Variants in LMTK2 observed in about 807,000 individuals in gnomAD.
LMTK2 encodes the protein lemur tail kinase 2, also known as serine/threonine-protein kinase LMTK2.
In LMTK2, 37 loss-of-function variants were observed where a neutral mutation model predicts 127.5. The observed-to-expected ratio is 0.29, with a 90% CI of 0.22 to 0.38. The LOEUF is 0.38. Among genes scored for constraint, LMTK2 ranks in the 10% least tolerant of loss-of-function variants. The pLI is 1.00. For synonymous variants in LMTK2, 819 were observed against 810.1 expected (o/e 1.01, Z -0.19); for missense variants, 1,694 against 1,920.3 (o/e 0.88, Z 2.20).
chr7:98,167,323 C>T (rs7804318), intron 6 of LMTK2, among the ~76,000 whole-genome samples: 56,258 of 152,128 alleles, frequency 0.37, 13,225 homozygotes, highest in Middle Eastern at 0.62. Context: ...AGCTTGCTTT[C>T]TAGTGGTAGA....
chr7:98,151,352 A>G (rs1387131333), intron 3 of LMTK2, 30 bp from the exon 4 acceptor site: 3 of 1,465,002 alleles, frequency 2.0e-6, no homozygotes, highest in Admixed American at 3.4e-5. Flanking sequence ...AGATACTTAT[A>G]TTTCATTTTT....
intron 11 of LMTK2, among the ~76,000 whole-genome samples, chr7:98,200,358 G>T (rs1797689100): frequency 6.6e-6 from 1 of 152,194 alleles, no homozygotes; most frequent in Non-Finnish European, 1.5e-5. Context: ...AAGAGGAAAT[G>T]AATAGTATTA....
chr7:98,128,499 T>C (rs1183592751), intron 1 of LMTK2, among the ~76,000 whole-genome samples: 2 of 152,260 alleles, frequency 1.3e-5, no homozygotes, highest in African/African-American at 4.8e-5. Flanking sequence ...GTTCTGCTGT[T>C]GAAACCCCCA....
In LMTK2 at chr7:98,107,139, C is replaced by A; in HGVS notation, c.-39C>A. ...GGCGAACGGACGGACGGACGGAAGGCGACTCGAGGGCCGGCCCCGGAGCCG... is the reference window on the plus strand; with the variant it reads ...GGCGAACGGACGGACGGACGGAAGGAGACTCGAGGGCCGGCCCCGGAGCCG... On this transcript the variant is annotated 5_prime_UTR_variant, in exon 1 of 14. Transcript: ENST00000297293. The A allele has an allele frequency of 7.3e-7, 1 of 1,378,476 alleles. No individual in the cohort carries two copies. Among genetic ancestry groups the A allele is most frequent in the Non-Finnish European group, 9.4e-7 (1 of 1,063,522 alleles). The allele number at this position is 1,378,476 out of a possible 1,614,324, so 85.4% of individuals were successfully genotyped here.
chr7:98,145,991 G>A (rs1174519353), intron 3 of LMTK2, among the ~76,000 whole-genome samples: 3 of 152,196 alleles, frequency 2.0e-5, no homozygotes, highest in Admixed American at 6.5e-5. Context: ...TTTATATGGT[G>A]TGAGGTAAGG....
At chr7:98,131,984 A>G (rs1245486060) in intron 1 of LMTK2, among the ~76,000 whole-genome samples, 1 of 152,180 alleles carries the variant, frequency 6.6e-6, no homozygotes, top group Non-Finnish European at 1.5e-5. Context: ...GATTGATAGG[A>G]GGTTTGAAAC....
chr7:98,157,666 C>T (rs1335293796), intron 5 of LMTK2, among the ~76,000 whole-genome samples: 2 of 146,636 alleles, frequency 1.4e-5, no homozygotes, highest in Non-Finnish European at 3.0e-5. Flanking sequence ...AAAAAATGAA[C>T]CATTGACACA....
At chr7:98,126,275 C>T (rs1796442468) in intron 1 of LMTK2, among the ~76,000 whole-genome samples, 1 of 152,144 alleles carries the variant, frequency 6.6e-6, no homozygotes, top group Non-Finnish European at 1.5e-5. Flanking sequence ...TCTCTGCAGA[C>T]GTACATGGGA....
intron 1 of LMTK2, 90 bp downstream of exon 1, chr7:98,107,370 A>G: frequency 3.5e-6 from 1 of 286,796 alleles, no homozygotes; most frequent in Non-Finnish European, 5.3e-6. Context: ...GGCGCCGAGG[A>G]ATCGGAGGGC....
chr7:98,208,556 A>G lies in LMTK2; in HGVS notation c.*3064A>G, dbSNP rs1248953886. The G allele has an allele frequency of 6.6e-6, 1 of 152,266 alleles. No individual in the cohort carries two copies. The highest frequency in any genetic ancestry group is 1.5e-5 in the Non-Finnish European group (1 of 68,040). 9.4% of individuals were successfully genotyped at this position (152,266 alleles called of 1,614,324 possible). On this transcript the variant is annotated 3_prime_UTR_variant, in exon 14 of 14. Coordinates refer to ENST00000297293, the MANE Select transcript of LMTK2 (RefSeq NM_014916.4). ...TCTATGGGGTAGCAACCCAGAATCA[A>G]TCTGAATTAGTCCTGTTTTGGTGGA...
intron 1 of LMTK2, among the ~76,000 whole-genome samples, chr7:98,110,411 C>T (rs1411352097): frequency 1.3e-5 from 2 of 152,208 alleles, no homozygotes; most frequent in African/African-American, 4.8e-5. Context: ...AGCCTCTTTT[C>T]CTGAGAATCT....
chr7:98,165,552 A>G (rs898878162), intron 6 of LMTK2, among the ~76,000 whole-genome samples: 3 of 152,160 alleles, frequency 2.0e-5, no homozygotes, highest in Admixed American at 2.0e-4. Flanking sequence ...CCTGGTCTCA[A>G]GTGATCTTCC....
chr7:98,180,174 A>G (rs573941712), intron 7 of LMTK2, among the ~76,000 whole-genome samples: 3 of 152,366 alleles, frequency 2.0e-5, no homozygotes, highest in East Asian at 3.9e-4. Flanking sequence ...TTACCGAATT[A>G]TATCGGTGTT....
At chr7:98,167,295 G>A (rs1035572249) in intron 6 of LMTK2, among the ~76,000 whole-genome samples, 2 of 152,188 alleles carry the variant, frequency 1.3e-5, no homozygotes, top group Non-Finnish European at 2.9e-5. Context: ...GGAACTAGAC[G>A]GAGTCCTAGC....
At chr7:98,150,294 C>T (rs556367140) in intron 3 of LMTK2, among the ~76,000 whole-genome samples, 19 of 142,232 alleles carry the variant, frequency 1.3e-4, no homozygotes, top group Admixed American at 1.1e-3. Context: ...GGTGACAGAG[C>T]GAGACCCTGT....
chr7:98,179,924 G>A (rs959530292), intron 7 of LMTK2, among the ~76,000 whole-genome samples: 1 of 152,130 alleles, frequency 6.6e-6, no homozygotes, highest in Admixed American at 6.5e-5. Flanking sequence ...AGTTATTGAC[G>A]GTGAAAACAC....
Position 98,193,857 on chromosome 7 carries a change from T to C in LMTK2, c.3392T>C (p.Val1131Ala). The C allele has an allele frequency of 6.2e-7, 1 of 1,613,906 alleles. No individual in the cohort carries two copies. Among genetic ancestry groups the C allele is most frequent in the Non-Finnish European group, 8.5e-7 (1 of 1,179,970 alleles). ...ACCTCCCCATCCGCCTTGGTGTTGG[T>C]ACAGGAGCAGCCCCTACCCGAGCCA... The part of the protein sequence containing the change: ...PGTSPSALVL[V>A]QEQPLPEPVL... The change falls in exon 11 of 14, where the codon GTA becomes GCA. Residue 1131 changes from valine to alanine, a missense_variant. Coordinates refer to ENST00000297293, the MANE Select transcript of LMTK2 (RefSeq NM_014916.4). The surrounding 1 kb of genome is among the most constrained non-coding windows in gnomAD (Gnocchi z 4.1).
Position 98,107,031 on chromosome 7 carries a change from A to G in LMTK2, c.-147A>G. The G allele has an allele frequency of 1.9e-6, 1 of 532,008 alleles. No individual in the cohort carries two copies. Among genetic ancestry groups the G allele is most frequent in the South Asian group, 3.1e-5 (1 of 32,208 alleles). The allele number at this position is 532,008 out of a possible 1,614,324, so 33.0% of individuals were successfully genotyped here. A position where few individuals can be genotyped will look rare whatever the true frequency, so the allele number is the denominator to read the frequency against. On this transcript the variant is annotated 5_prime_UTR_variant, in exon 1 of 14. Transcript: ENST00000297293. ...CAGGTGCGGACCGGGAGCCGGACCG[A>G]GGTTTGGCAGAAGCAACGTGTGCTC...
At chr7:98,179,928 A>G (rs1215433087) in intron 7 of LMTK2, among the ~76,000 whole-genome samples, 1 of 152,238 alleles carries the variant, frequency 6.6e-6, no homozygotes, top group Non-Finnish European at 1.5e-5. Flanking sequence ...ATTGACGGTG[A>G]AAACACAAAC....
Sources: allele counts gnomAD v4.1 joint callset (sites outside exome capture counted in the v4.1 genomes callset), GRCh38; gene constraint gnomAD v4.1.1; non-coding constraint Gnocchi (gnomAD v3.1); transcripts MANE v1.5; gene names NCBI Gene and HGNC (gene_info 2026-07-23, HGNC 2026-07-21).